The following MCM5 variants were observed in gnomAD, a reference collection of about 807,000 sequenced individuals.
MCM5 encodes the protein DNA replication licensing factor MCM5.
MCM5 carries 46 observed loss-of-function variants against 79.9 expected under a neutral mutation model. The ratio of observed to expected loss-of-function variants is 0.58; its 90% CI spans 0.45 to 0.74. The LOEUF (loss-of-function observed/expected upper bound fraction) is 0.74. MCM5 is among the 30% of genes least tolerant of loss of function. The pLI is 0.00. For missense variants in MCM5, 883 were observed against 1,017.0 expected (o/e 0.87, Z 1.79); for synonymous variants, 404 against 390.5 (o/e 1.03, Z -0.41).
At chr22:35,407,297 A>C (rs968559647) in intron 5 of MCM5, among the ~76,000 whole-genome samples, 12 of 152,008 alleles carry the variant, frequency 7.9e-5, no homozygotes, top group African/African-American at 2.9e-4. Flanking sequence ...CACCTGTGGC[A>C]CAGCTGCCTC....
the MCM5 span, among the ~76,000 whole-genome samples, chr22:35,431,547 C>T: frequency 6.6e-6 from 1 of 152,186 alleles, no homozygotes; most frequent in Non-Finnish European, 1.5e-5. Flanking sequence ...CCCAGCCACC[C>T]TGGAGGTGAC....
the MCM5 span, among the ~76,000 whole-genome samples, chr22:35,449,072 G>T: frequency 2.6e-5 from 4 of 152,196 alleles, no homozygotes; most frequent in African/African-American, 7.2e-5. Context: ...GGAAAGGGGG[G>T]TTGTCAGCAG....
At chr22:35,453,300 CAG>C in the MCM5 span, among the ~76,000 whole-genome samples, 1 of 151,754 alleles carries the variant, frequency 6.6e-6, no homozygotes, top group Non-Finnish European at 1.5e-5. Context: ...GACAGGACAT[CAG>C]AGAGACAGAG....
intron 4 of MCM5, among the ~76,000 whole-genome samples, chr22:35,404,592 A>G (rs951828768): frequency 1.3e-5 from 2 of 152,152 alleles, no homozygotes; most frequent in Non-Finnish European, 2.9e-5. Context: ...CCCTCATTGC[A>G]TCCCTCCATC....
Position 35,400,216 on chromosome 22 carries a change from T to TAGTGGG in MCM5, c.-9+16_-9+21dup, listed in dbSNP as rs1931995193. ...AAGTGCGGAAAACCAGAGGTGAGGCTAGTGGGAGTGGGACTGGGACTGGGA... is the reference window on the plus strand; with the variant it reads ...AAGTGCGGAAAACCAGAGGTGAGGCTAGTGGGAGTGGGAGTGGGACTGGGACTGGGA... On this transcript the variant is annotated intron_variant, in intron 1 of 16. Coordinates refer to ENST00000216122, the MANE Select transcript of MCM5 (RefSeq NM_006739.4). 3 of 571,822 alleles carry TAGTGGG rather than the reference T, an allele frequency of 5.2e-6. No individual in the cohort carries two copies. Among genetic ancestry groups the TAGTGGG allele is most frequent in the Non-Finnish European group, 9.4e-6 (3 of 318,490 alleles). 35.4% of individuals were successfully genotyped at this position (571,822 alleles called of 1,614,324 possible).
chr22:35,450,512 C>G, the MCM5 span, among the ~76,000 whole-genome samples: 1 of 152,298 alleles, frequency 6.6e-6, no homozygotes, highest in East Asian at 1.9e-4. Context: ...GACTCGCCCG[C>G]CTGACTCCGC....
At chr22:35,438,476 TATCCATCCATCC>T in the MCM5 span, among the ~76,000 whole-genome samples, 3 of 107,722 alleles carry the variant, frequency 2.8e-5, no homozygotes, top group African/African-American at 7.7e-5. Flanking sequence ...TCCATCCACA[TATCCATCCATCC>T]ATCCATCCAT....
chr22:35,437,230 A>AC, the MCM5 span, among the ~76,000 whole-genome samples: 122,328 of 152,098 alleles, frequency 0.8, 49,790 homozygotes, highest in African/African-American at 0.89. Flanking sequence ...TGGTCATGTG[A>AC]CTGGACTGGC....
At chr22:35,421,614 C>G (rs1932698352) in intron 15 of MCM5, 154 bp downstream of exon 15, 1 of 976,406 alleles carries the variant, frequency 1.0e-6, no homozygotes, top group Admixed American at 1.9e-5. Context: ...CATAAGACCC[C>G]TCTCCTCCTT....
the MCM5 span, among the ~76,000 whole-genome samples, chr22:35,444,637 G>T: frequency 1.5e-4 from 22 of 151,430 alleles, no homozygotes; most frequent in Non-Finnish European, 1.0e-4. Context: ...GCTGGCCTGG[G>T]TCTGGGAGTA....
the MCM5 span, among the ~76,000 whole-genome samples, chr22:35,443,839 G>A: frequency 1.3e-5 from 2 of 152,214 alleles, no homozygotes; most frequent in Non-Finnish European, 2.9e-5. Flanking sequence ...CTTGAGCCCA[G>A]TGCAGGCCTC....
chr22:35,406,367 G>A (rs1425265141), intron 4 of MCM5, among the ~76,000 whole-genome samples, 186 bp from the exon 5 acceptor site: 3 of 137,174 alleles, frequency 2.2e-5, no homozygotes, highest in Non-Finnish European at 4.6e-5. Context: ...TGAACCCCAG[G>A]GTCCAGATAG....
the MCM5 span, among the ~76,000 whole-genome samples, chr22:35,452,122 G>C: frequency 1.9e-3 from 284 of 152,222 alleles, 1 homozygote; most frequent in African/African-American, 6.3e-3. Context: ...GTGAAACTTG[G>C]TGCCTGCCTT....
At chr22:35,444,304 G>C in the MCM5 span, among the ~76,000 whole-genome samples, 1 of 151,828 alleles carries the variant, frequency 6.6e-6, no homozygotes, top group East Asian at 1.9e-4. Flanking sequence ...AGGAGTGAAG[G>C]CTGCCAGGTA....
At chr22:35,411,013 C>A in intron 7 of MCM5, 103 bp downstream of exon 7, 1 of 1,033,686 alleles carries the variant, frequency 9.7e-7, no homozygotes, top group Admixed American at 2.8e-5. Context: ...CCAGGATGTC[C>A]TTGTGTTGCT....
chr22:35,408,405 C>CAG lies in MCM5; in HGVS notation c.598_599dup, dbSNP rs1418482798. The CAG allele has an allele frequency of 6.2e-7, 1 of 1,613,392 alleles. No individual in the cohort carries two copies. The highest frequency in any genetic ancestry group is 1.3e-5 in the African/African-American group (1 of 75,048). On this transcript the variant is annotated splice_region_variant and splice_polypyrimidine_tract_variant and intron_variant, in intron 5 of 16. Coordinates refer to ENST00000216122, the MANE Select transcript of MCM5 (RefSeq NM_006739.4). ...GGTGACTCTTTTCCCTTACCTTGTA[C>CAG]AGAGATCAGGCTGGGCGCCCCAAAT...
chr22:35,435,777 TCTG>T, the MCM5 span, among the ~76,000 whole-genome samples: 1 of 152,160 alleles, frequency 6.6e-6, no homozygotes, highest in African/African-American at 2.4e-5. Context: ...TAGTCCTGCA[TCTG>T]CTGCAGGCCT....
intron 5 of MCM5, among the ~76,000 whole-genome samples, chr22:35,407,528 C>T (rs9622197): frequency 6.6e-6 from 1 of 151,388 alleles, no homozygotes; most frequent in African/African-American, 2.5e-5. Context: ...TCTCCAGGCC[C>T]GGCCTCACTG....
At chr22:35,445,325 C>CTTTTTTTTTTT in the MCM5 span, among the ~76,000 whole-genome samples, 13 of 83,628 alleles carry the variant, frequency 1.6e-4, 1 homozygote, top group African/African-American at 4.2e-4. Flanking sequence ...TTTGACTATG[C>CTTTTTTTTTTT]TTTTTTTTTT....
Sources: allele counts gnomAD v4.1 joint callset (sites outside exome capture counted in the v4.1 genomes callset), GRCh38; gene constraint gnomAD v4.1.1; transcripts MANE v1.5; gene names NCBI Gene and HGNC (gene_info 2026-07-23, HGNC 2026-07-21).